Variants in PTK7 observed in about 807,000 individuals in gnomAD.
PTK7 encodes the protein inactive tyrosine-protein kinase 7.
Under a neutral mutation model 116.6 loss-of-function variants are expected in PTK7, and 39 were observed. That is an observed-to-expected ratio of 0.33 (90% CI 0.26 to 0.44). PTK7 has a LOEUF of 0.44. PTK7 is among the 20% of genes least tolerant of loss of function. The probability of loss-of-function intolerance (pLI) is 1.00; values close to 1 mark genes in which losing one functional copy is unlikely to be tolerated. For synonymous variants in PTK7, 546 were observed against 563.6 expected (o/e 0.97, Z 0.44); for missense variants, 1,169 against 1,425.6 (o/e 0.82, Z 2.90).
intron 1 of PTK7, among the ~76,000 whole-genome samples, chr6:43,103,387 A>T (rs1255042877): frequency 6.6e-6 from 1 of 152,156 alleles, no homozygotes; most frequent in Non-Finnish European, 1.5e-5. Context: ...TCTGAAGTGG[A>T]TAAATGTCTT....
chr6:43,111,307 A>G (rs1454669106), intron 1 of PTK7, among the ~76,000 whole-genome samples: 1 of 152,186 alleles, frequency 6.6e-6, no homozygotes, highest in East Asian at 1.9e-4. Flanking sequence ...TTTAGTGATC[A>G]GGTGGAGCAT....
At chr6:43,157,571 A>C (rs1340053212) in intron 17 of PTK7, among the ~76,000 whole-genome samples, 1 of 151,094 alleles carries the variant, frequency 6.6e-6, no homozygotes, top group African/African-American at 2.4e-5. Context: ...AAAATGAAAA[A>C]GAAACAACCC....
At chr6:43,154,318 A>G (rs1415095321) in intron 17 of PTK7, among the ~76,000 whole-genome samples, 1 of 152,044 alleles carries the variant, frequency 6.6e-6, no homozygotes, top group Non-Finnish European at 1.5e-5. Context: ...CCTGGGCAAC[A>G]GGCACCCTGT....
chr6:43,083,245 A>C (rs1766473686), intron 1 of PTK7, among the ~76,000 whole-genome samples: 1 of 152,212 alleles, frequency 6.6e-6, no homozygotes, highest in South Asian at 2.1e-4. Flanking sequence ...GTGCCTGGGC[A>C]CTACCCCTGG....
intron 1 of PTK7, among the ~76,000 whole-genome samples, chr6:43,092,513 C>T (rs1767003942): frequency 6.6e-6 from 1 of 152,044 alleles, no homozygotes; most frequent in Admixed American, 6.6e-5. Context: ...TAAAACATAA[C>T]ATTTGGGGGT....
intron 1 of PTK7, among the ~76,000 whole-genome samples, chr6:43,078,714 C>T (rs888014560): frequency 3.3e-5 from 5 of 152,116 alleles, no homozygotes; most frequent in Non-Finnish European, 7.3e-5. Flanking sequence ...GAGTTACTTT[C>T]CAAACTTTGA....
Position 43,130,349 on chromosome 6 carries a change from T to C in PTK7, c.590T>C (p.Leu197Pro). ...CCAGCTGGTCCTGAGCATAGTGGGC[T>C]GTATTCCTGCTGCGCCCACAGTGCT... ...LRPAGPEHSG[L>P]YSCCAHSAFG... Residue 197 changes from leucine (L) to proline (P), a missense_variant, in exon 4 of 20, where the codon CTG becomes CCG. Leu to Pro is a moderately conservative substitution (Grantham distance 98). Transcript: ENST00000230419. 1.9e-6 allele frequency: 3 copies of C among 1,612,596 alleles called. No individual in the cohort carries two copies. Among genetic ancestry groups the C allele is most frequent in the Non-Finnish European group, 2.5e-6 (3 of 1,179,198 alleles).
intron 14 of PTK7, among the ~76,000 whole-genome samples, chr6:43,144,094 A>AT (rs1160240521): frequency 1.3e-5 from 2 of 151,918 alleles, no homozygotes; most frequent in East Asian, 3.9e-4. Context: ...CATTATTGTG[A>AT]TTTTCCCTTT....
At chr6:43,110,284 C>T (rs1299378342) in intron 1 of PTK7, among the ~76,000 whole-genome samples, 1 of 152,090 alleles carries the variant, frequency 6.6e-6, no homozygotes, top group Non-Finnish European at 1.5e-5. Flanking sequence ...GCCACCATGC[C>T]TGGCCTGGAG....
intron 1 of PTK7, among the ~76,000 whole-genome samples, chr6:43,103,167 A>T (rs553739368): frequency 6.6e-5 from 10 of 152,354 alleles, no homozygotes; most frequent in Non-Finnish European, 1.3e-4. Context: ...AATCAATAAA[A>T]ATAAAAACAA....
chr6:43,159,520 A>G (rs1771711129), intron 18 of PTK7: 2 of 523,512 alleles, frequency 3.8e-6, no homozygotes, highest in South Asian at 4.1e-5. Flanking sequence ...TATAGAAAGT[A>G]TGTATGACTA....
At chr6:43,137,846 G>T (rs575623625) in intron 7 of PTK7, among the ~76,000 whole-genome samples, 1 of 151,728 alleles carries the variant, frequency 6.6e-6, no homozygotes, top group African/African-American at 2.4e-5. Context: ...TCACTCTTTC[G>T]CCCAGGCTGG....
Position 43,132,410 on chromosome 6 carries a change from T to C in PTK7, c.962-11T>C, listed in dbSNP as rs770660823. The C allele has an allele frequency of 1.3e-5, 20 of 1,556,630 alleles. No homozygotes were observed. Among genetic ancestry groups the C allele is most frequent in the East Asian group, 6.8e-5 (3 of 44,196 alleles). On this transcript the variant is annotated splice_polypyrimidine_tract_variant and intron_variant, in intron 6 of 19. Transcript: ENST00000230419. ...ATAATTGGGCCATTCCTCCTACTTA[T>C]GTCCTTGCAGAGATTGAAGACATGC...
At chr6:43,155,582 G>T (rs1771377815) in intron 17 of PTK7, among the ~76,000 whole-genome samples, 1 of 151,648 alleles carries the variant, frequency 6.6e-6, no homozygotes, top group Non-Finnish European at 1.5e-5. Context: ...AGGCGGAGTG[G>T]AGGTTGCAGT....
In PTK7 at chr6:43,083,015, G is replaced by T. The variant is rs72867518; in HGVS notation, c.79+6448G>T. On this transcript the variant is annotated intron_variant, in intron 1 of 19. Coordinates refer to ENST00000230419, the MANE Select transcript of PTK7 (RefSeq NM_002821.5). ...TTCTGGAGTGAGGGGGTTTGTGTGA[G>T]TCTGTGTTTAAGCCAATGCAGCTTC... 4.9e-3 allele frequency among the ~76,000 whole-genome samples: 740 copies of T among 152,318 alleles called. 4 individuals are homozygous for T. The highest frequency in any genetic ancestry group is 6.8e-3 in the Non-Finnish European group (461 of 68,024).
intron 1 of PTK7, among the ~76,000 whole-genome samples, chr6:43,104,372 A>G (rs1297642824): frequency 6.6e-6 from 1 of 152,202 alleles, no homozygotes; most frequent in Non-Finnish European, 1.5e-5. Context: ...TATTTTCTTA[A>G]GAAGAAACAA....
intron 7 of PTK7, chr6:43,138,597 G>A (rs2150444064): frequency 2.6e-6 from 1 of 382,372 alleles, no homozygotes; most frequent in East Asian, 4.3e-5. Context: ...ATGAGTTCGA[G>A]ACTGTAGTGA....
chr6:43,106,265 T>C (rs1767882763), intron 1 of PTK7, among the ~76,000 whole-genome samples: 1 of 152,188 alleles, frequency 6.6e-6, no homozygotes, highest in South Asian at 2.1e-4. Flanking sequence ...GTCTTTGTGC[T>C]TCTGACTTGT....
chr6:43,091,864 T>A (rs552327867), intron 1 of PTK7, among the ~76,000 whole-genome samples: 6 of 152,288 alleles, frequency 3.9e-5, no homozygotes, highest in East Asian at 1.9e-4. Context: ...ACTCTTTTTT[T>A]AATTTATTTT....
Sources: gnomAD v4.1 joint callset for allele counts (sites outside exome capture counted in the v4.1 genomes callset) on GRCh38, gnomAD v4.1.1 for gene constraint, MANE v1.5 for transcripts, NCBI Gene and HGNC (gene_info 2026-07-23, HGNC 2026-07-21) for gene names.